Variants in RS1 observed in about 807,000 individuals in gnomAD.
RS1 encodes retinoschisin.
In RS1, 2 loss-of-function variants were observed where a neutral mutation model predicts 20.8. The ratio of observed to expected loss-of-function variants is 0.10; its 90% CI spans 0.04 to 0.30. The LOEUF (loss-of-function observed/expected upper bound fraction) is 0.30, where lower values mean the gene tolerates loss of function less well. Ranked by LOEUF, RS1 falls within the 10% of genes least tolerant of loss-of-function variation. The pLI, the probability that RS1 is intolerant of heterozygous loss-of-function variation, is 1.00. For synonymous variants in RS1, 70 were observed against 75.8 expected, an observed-to-expected ratio of 0.92 and a Z score of 0.40; for missense variants, 151 against 189.8, an observed-to-expected ratio of 0.80 and a Z score of 1.20.
At chrX:18,651,252 TG>T (rs1928023545) in intron 3 of RS1, among the ~76,000 whole-genome samples, 2 of 98,825 alleles carry the variant, frequency 2.0e-5, no homozygotes, top group Non-Finnish European at 4.0e-5. Context: ...TGTGTGTGTG[TG>T]TGTGTGTGTG....
At position 18,651,843 on chromosome X, in the gene RS1, T is replaced by A. The variant is rs188728558; in HGVS notation, c.185-4511A>T. On this transcript the variant is annotated intron_variant, in intron 3 of 5. Coordinates refer to ENST00000379984, the MANE Select transcript of RS1 (RefSeq NM_000330.4). ...TCTCTTATTGTGATTTTTCCTGACT[T>A]CTTCTTCCCCTTTCCTCTTCCTTCT... Among the ~76,000 whole-genome samples, 13 of 111,166 alleles carry A rather than the reference T, an allele frequency of 1.2e-4. No homozygotes were observed. The East Asian group carries it at 3.4e-3, about 29-fold the overall frequency.
At chrX:18,670,145 C>T (rs1193604698) in intron 1 of RS1, among the ~76,000 whole-genome samples, 1 of 107,731 alleles carries the variant, frequency 9.3e-6, no homozygotes, top group Admixed American at 1.0e-4. Flanking sequence ...CTTCGCATCG[C>T]GGGGGTGGGG....
intron 1 of RS1, among the ~76,000 whole-genome samples, chrX:18,660,920 A>C (rs1176823463): frequency 9.0e-6 from 1 of 111,583 alleles, no homozygotes; most frequent in Non-Finnish European, 1.9e-5. Context: ...TGAAGCGCAC[A>C]TGTCTCTTAG....
intron 3 of RS1, among the ~76,000 whole-genome samples, chrX:18,656,134 G>C (rs1011016195): frequency 9.2e-6 from 1 of 108,281 alleles, no homozygotes; most frequent in Non-Finnish European, 1.9e-5. Flanking sequence ...TGGGACCACA[G>C]GTGCAAGCCA....
At chrX:18,662,381 C>T (rs1409970593) in intron 1 of RS1, among the ~76,000 whole-genome samples, 6 of 111,237 alleles carry the variant, frequency 5.4e-5, no homozygotes, top group African/African-American at 2.0e-4. Flanking sequence ...TATACATGTG[C>T]CATGTTGGTG....
At chrX:18,671,304 T>A (rs1034946850) in intron 1 of RS1, among the ~76,000 whole-genome samples, 4 of 112,198 alleles carry the variant, frequency 3.6e-5, no homozygotes, top group African/African-American at 1.3e-4. Flanking sequence ...TCTGAGCAGA[T>A]GGGTACTTGA....
At chrX:18,651,039 T>A (rs953932915) in intron 3 of RS1, among the ~76,000 whole-genome samples, 4 of 110,982 alleles carry the variant, frequency 3.6e-5, no homozygotes, top group Non-Finnish European at 7.6e-5. Flanking sequence ...GAATTTTGCA[T>A]GTTTTTCTGG....
At chrX:18,665,930 C>T (rs1305278152) in intron 1 of RS1, among the ~76,000 whole-genome samples, 1 of 107,091 alleles carries the variant, frequency 9.3e-6, no homozygotes, top group Admixed American at 1.0e-4. Context: ...TGTCCCTCAG[C>T]TCACCATTTG....
At chrX:18,664,758 A>G (rs1192760685) in intron 1 of RS1, among the ~76,000 whole-genome samples, 1 of 111,235 alleles carries the variant, frequency 9.0e-6, no homozygotes, top group East Asian at 2.8e-4. Flanking sequence ...TCTGTCACCC[A>G]CACTGGAGTG....
chrX:18,670,402 A>C (rs1280341387), intron 1 of RS1, among the ~76,000 whole-genome samples: 2 of 109,201 alleles, frequency 1.8e-5, no homozygotes, highest in Non-Finnish European at 3.8e-5. Flanking sequence ...TACTTTTTGT[A>C]TTTTTGTAGA....
intron 1 of RS1, among the ~76,000 whole-genome samples, chrX:18,668,586 C>A (rs1928440455): frequency 8.8e-6 from 1 of 113,395 alleles, no homozygotes; most frequent in Admixed American, 9.3e-5. Context: ...AATAATGTCC[C>A]TCTCGTGAAA....
In RS1 at chrX:18,639,699, T is replaced by C. The variant is rs1305815119; in HGVS notation, c.*2305A>G. 8.9e-6 allele frequency among the ~76,000 whole-genome samples: 1 copy of C among 112,194 alleles called. No homozygotes were observed. The highest frequency in any genetic ancestry group is 3.2e-5 in the African/African-American group (1 of 30,815). The stretch of plus-strand genomic sequence containing the variant: ...ATCCGCACAAAAACTTATACACAAA[T>C]GTTCATAGCAGCATTATTCATAATA... On this transcript the variant is annotated 3_prime_UTR_variant, in exon 6 of 6. Coordinates refer to ENST00000379984, the MANE Select transcript of RS1 (RefSeq NM_000330.4).
At chrX:18,655,061 T>C (rs1928188783) in intron 3 of RS1, among the ~76,000 whole-genome samples, 1 of 111,887 alleles carries the variant, frequency 8.9e-6, no homozygotes, top group Non-Finnish European at 1.9e-5. Context: ...GATTTAAGCA[T>C]TGCAAATATT....
chrX:18,649,271 T>A (rs1255208707), intron 3 of RS1, among the ~76,000 whole-genome samples: 2 of 111,314 alleles, frequency 1.8e-5, no homozygotes, highest in African/African-American at 6.5e-5. Context: ...GGTCTCGCTG[T>A]GTCGCACAGG....
Position 18,642,112 on chromosome X carries a change from C to T in RS1, c.567G>A (p.Leu189=), listed in dbSNP as rs2147189059. 1.7e-6 allele frequency: 2 copies of T among 1,211,758 alleles called. No homozygotes were observed. Among genetic ancestry groups the T allele is most frequent in the East Asian group, 3.0e-5 (1 of 33,836 alleles). The change falls in exon 6 of 6, where the codon CTG becomes CTA. Residue 189 remains leucine, a synonymous_variant. Transcript: ENST00000379984. ...AGCGGGAGATGATGGGGGGCCGCAG[C>T]AGGTTCTGAACCGTGGAGGTGCGGT... The part of the protein sequence containing the change: ...NSDRTSTVQN[L]LRPPIISRFI...
chrX:18,662,335 G>A (rs1386282475), intron 1 of RS1, among the ~76,000 whole-genome samples: 1 of 111,819 alleles, frequency 8.9e-6, no homozygotes, highest in Non-Finnish European at 1.9e-5. Flanking sequence ...TAAGTTCTAG[G>A]GTACATGTGC....
At position 18,653,394 on chromosome X, in the gene RS1, A is replaced by G. The variant is rs756705837; in HGVS notation, c.184+3259T>C. ...GAGTGCACCTGCTAGCGCTCCTGGC[A>G]GCTCTGAGTGACCCCGCTGTCCTTC... On this transcript the variant is annotated intron_variant, in intron 3 of 5. Coordinates refer to ENST00000379984, the MANE Select transcript of RS1 (RefSeq NM_000330.4). The G allele has an allele frequency of 1.2e-5, 15 of 1,204,802 alleles. No homozygotes were observed. The South Asian group carries it at 2.1e-4, about 17-fold the overall frequency.
At chrX:18,648,983 G>A (rs1260321907) in intron 3 of RS1, among the ~76,000 whole-genome samples, 1 of 106,174 alleles carries the variant, frequency 9.4e-6, no homozygotes, top group East Asian at 3.0e-4. Context: ...AGGAGTCTGT[G>A]GCTGCAGTGA....
intron 3 of RS1, chrX:18,653,295 T>C (rs1289583079): frequency 1.8e-6 from 2 of 1,108,793 alleles, no homozygotes; most frequent in Non-Finnish European, 2.4e-6. Context: ...GTATTTTTAA[T>C]AGCATTAAAG....
Sources: gnomAD v4.1 joint callset for allele counts (sites outside exome capture counted in the v4.1 genomes callset) on GRCh38, gnomAD v4.1.1 for gene constraint, MANE v1.5 for transcripts, NCBI Gene and HGNC (gene_info 2026-07-23, HGNC 2026-07-21) for gene names.